HDAC9: variants seen among roughly 807,000 people sequenced by gnomAD.
HDAC9 encodes histone deacetylase 9.
A neutral mutation model predicts 139.4 loss-of-function variants in HDAC9; 41 were observed. The ratio of observed to expected loss-of-function variants is 0.29; its 90% CI spans 0.23 to 0.38. The LOEUF (loss-of-function observed/expected upper bound fraction) is 0.38, where lower values mean the gene tolerates loss of function less well. Among genes scored for constraint, HDAC9 ranks in the 10% least tolerant of loss-of-function variants. The pLI, the probability that HDAC9 is intolerant of heterozygous loss-of-function variation, is 1.00. For synonymous variants in HDAC9, 517 were observed against 476.2 expected, an observed-to-expected ratio of 1.09 and a Z score of -1.12; for missense variants, 1,147 against 1,297.0, an observed-to-expected ratio of 0.88 and a Z score of 1.78.
chr7:18,236,802 C>T (rs1793851194), intron 2 of HDAC9, among the ~76,000 whole-genome samples: 1 of 152,254 alleles, frequency 6.6e-6, no homozygotes, highest in South Asian at 2.1e-4. Flanking sequence ...ATATGATCCA[C>T]GTGAGTTTTC....
At chr7:18,920,932 A>G (rs553659426) in intron 22 of HDAC9, among the ~76,000 whole-genome samples, 22 of 152,126 alleles carry the variant, frequency 1.4e-4, no homozygotes, top group Middle Eastern at 3.4e-3. Flanking sequence ...AATGCCGCAT[A>G]TCTACAACTA....
At chr7:18,920,706 G>A (rs1022141468) in intron 22 of HDAC9, among the ~76,000 whole-genome samples, 55 of 152,150 alleles carry the variant, frequency 3.6e-4, no homozygotes, top group African/African-American at 8.9e-4. Flanking sequence ...AGCATGAAGC[G>A]TTGTTGAATT....
chr7:18,656,691 A>G (rs754121851), intron 11 of HDAC9, among the ~76,000 whole-genome samples: 35 of 152,176 alleles, frequency 2.3e-4, no homozygotes, highest in Non-Finnish European at 4.9e-4. Flanking sequence ...AAAATCTTAT[A>G]CAGTATTTAT....
intron 1 of HDAC9, among the ~76,000 whole-genome samples, chr7:18,371,191 G>A (rs1431317508): frequency 6.6e-6 from 1 of 152,210 alleles, no homozygotes; most frequent in African/African-American, 2.4e-5. Flanking sequence ...AGCAATAATC[G>A]AAGTATGGAT....
At chr7:18,520,048 G>A (rs1804532367) in intron 2 of HDAC9, among the ~76,000 whole-genome samples, 1 of 151,888 alleles carries the variant, frequency 6.6e-6, no homozygotes, top group South Asian at 2.1e-4. Context: ...GTTGTAGTAG[G>A]AGCAGAAAAG....
rs562833371 is a variant in HDAC9, at chr7:18,369,436, G to T, written c.-42+78921G>T. On this transcript the variant is annotated intron_variant, in intron 1 of 3. Transcript: ENST00000413509. ...GAGTTATATTGCAGATCTATTCTCT[G>T]TTTTTTCTCCTCTGTTTCTTTACCT... is the stretch of plus-strand genomic sequence containing the variant. 1.3e-3 allele frequency among the ~76,000 whole-genome samples: 196 copies of T among 151,884 alleles called. 4 individuals are homozygous for T. The South Asian group carries it at 0.036, about 28-fold the overall frequency.
At chr7:18,712,241 T>C (rs1037907176) in intron 12 of HDAC9, among the ~76,000 whole-genome samples, 3 of 152,214 alleles carry the variant, frequency 2.0e-5, no homozygotes, top group Admixed American at 1.3e-4. Context: ...TCCCTAAAGA[T>C]GTTGACAAAT....
chr7:18,585,989 AC>A (rs1429825046), intron 3 of HDAC9, among the ~76,000 whole-genome samples: 3 of 152,280 alleles, frequency 2.0e-5, no homozygotes, highest in Admixed American at 6.5e-5. Context: ...AGTATGTCCG[AC>A]TCTTCCTTAT....
chr7:18,292,902 CA>C (rs1797903022), intron 1 of HDAC9, among the ~76,000 whole-genome samples: 1 of 151,960 alleles, frequency 6.6e-6, no homozygotes, highest in African/African-American at 2.4e-5. Flanking sequence ...GGTACAACTG[CA>C]AAAATAGAAC....
chr7:18,572,855 T>C (rs886483061), intron 2 of HDAC9, among the ~76,000 whole-genome samples: 49 of 152,218 alleles, frequency 3.2e-4, no homozygotes, highest in African/African-American at 1.2e-3. Flanking sequence ...TAGCAAACAT[T>C]GCGATACTTT....
chr7:18,809,098 A>G (rs1434739921), intron 17 of HDAC9, among the ~76,000 whole-genome samples: 6 of 152,082 alleles, frequency 3.9e-5, no homozygotes, highest in Non-Finnish European at 7.4e-5. Context: ...GGAAAGGATA[A>G]TCTCTTCAAC....
At chr7:18,807,300 T>C (rs1346574286) in intron 17 of HDAC9, among the ~76,000 whole-genome samples, 1 of 152,178 alleles carries the variant, frequency 6.6e-6, no homozygotes, top group Non-Finnish European at 1.5e-5. Flanking sequence ...TTAAGTCTTG[T>C]TCAATTCTGA....
intron 20 of HDAC9, 48 bp downstream of exon 20, chr7:18,835,634 T>TA: frequency 1.9e-6 from 3 of 1,608,666 alleles, no homozygotes; most frequent in Non-Finnish European, 2.6e-6. Flanking sequence ...ATCTTTCAGG[T>TA]AATTGCATTG....
intron 2 of HDAC9, among the ~76,000 whole-genome samples, chr7:18,248,330 A>C (rs1403816270): frequency 6.6e-6 from 1 of 152,230 alleles, no homozygotes; most frequent in Non-Finnish European, 1.5e-5. Flanking sequence ...GCAGGCAAAC[A>C]CCTGAACAAC....
chr7:18,285,079 C>T (rs1269525441), intron 2 of HDAC9, among the ~76,000 whole-genome samples: 1 of 152,014 alleles, frequency 6.6e-6, no homozygotes, highest in Non-Finnish European at 1.5e-5. Flanking sequence ...AGCTAAAGGA[C>T]AAGTAAAGGA....
At chr7:18,750,909 C>T (rs191050067) in intron 14 of HDAC9, among the ~76,000 whole-genome samples, 1 of 152,136 alleles carries the variant, frequency 6.6e-6, no homozygotes, top group Admixed American at 6.6e-5. Flanking sequence ...TGTGTTATAT[C>T]CTGCGGCAGC....
At chr7:18,776,148 G>T (rs1194901932) in intron 16 of HDAC9, among the ~76,000 whole-genome samples, 1 of 151,970 alleles carries the variant, frequency 6.6e-6, no homozygotes, top group Non-Finnish European at 1.5e-5. Context: ...TCACTACGTT[G>T]CTCTGGCTAG....
chr7:18,092,150 C>T (rs950919759), intron 1 of HDAC9, among the ~76,000 whole-genome samples: 1 of 152,112 alleles, frequency 6.6e-6, no homozygotes, highest in South Asian at 2.1e-4. Context: ...CTTTGGCAGG[C>T]CAAGGCAGAT....
chr7:18,853,269 T>G (rs1797436191), intron 21 of HDAC9, among the ~76,000 whole-genome samples: 1 of 152,164 alleles, frequency 6.6e-6, no homozygotes, highest in African/African-American at 2.4e-5. Context: ...TTTGCATGAT[T>G]ATATTTATTA....
Sources: gnomAD v4.1 joint callset for allele counts (sites outside exome capture counted in the v4.1 genomes callset) on GRCh38, gnomAD v4.1.1 for gene constraint, MANE v1.5 for transcripts, NCBI Gene and HGNC (gene_info 2026-07-23, HGNC 2026-07-21) for gene names.